Variants in LRRTM4 observed in about 807,000 individuals in gnomAD.
LRRTM4 encodes leucine rich repeat transmembrane neuronal 4.
Under a neutral mutation model 47.6 loss-of-function variants are expected in LRRTM4, and 25 were observed. The ratio of observed to expected loss-of-function variants is 0.53; its 90% CI spans 0.38 to 0.73. The LOEUF (loss-of-function observed/expected upper bound fraction) is 0.73. LRRTM4 is among the 30% of genes least tolerant of loss of function. The pLI is 0.00. For synonymous variants in LRRTM4, 311 were observed against 269.5 expected, an observed-to-expected ratio of 1.15 and a Z score of -1.51; for missense variants, 638 against 713.4, an observed-to-expected ratio of 0.89 and a Z score of 1.20.
intron 3 of LRRTM4, among the ~76,000 whole-genome samples, chr2:76,923,400 TTAAA>T (rs1304396659): frequency 6.6e-6 from 1 of 151,926 alleles, no homozygotes. Context: ...AAATTTACTA[TTAAA>T]TAAGTTATAT....
intron 3 of LRRTM4, among the ~76,000 whole-genome samples, chr2:77,465,127 A>T (rs1676936341): frequency 6.6e-6 from 1 of 152,094 alleles, no homozygotes. Flanking sequence ...TAGTTTTTTT[A>T]AATGGTCTTT....
chr2:77,409,709 C>A (rs1386380398), intron 3 of LRRTM4, among the ~76,000 whole-genome samples: 1 of 152,128 alleles, frequency 6.6e-6, no homozygotes, highest in Non-Finnish European at 1.5e-5. Flanking sequence ...CATTCACTTA[C>A]CAAGGTGTTT....
In LRRTM4 at chr2:77,006,073, G is replaced by A. The variant is rs187071565; in HGVS notation, c.1552-257157C>T. 4.8e-3 allele frequency among the ~76,000 whole-genome samples: 730 copies of A among 152,118 alleles called. 10 individuals carry two copies. The highest frequency in any genetic ancestry group is 0.016 in the African/African-American group (682 of 41,510). ...AAACTCTTAAATGAATACATAAATCGAAACCCCAAAATGATATATATTTAA... is the reference window on the plus strand; with the variant it reads ...AAACTCTTAAATGAATACATAAATCAAAACCCCAAAATGATATATATTTAA... On this transcript the variant is annotated intron_variant, in intron 3 of 3. Transcript: ENST00000409884.
At chr2:76,985,811 T>A (rs1676773761) in intron 3 of LRRTM4, among the ~76,000 whole-genome samples, 1 of 151,990 alleles carries the variant, frequency 6.6e-6, no homozygotes, top group Admixed American at 6.6e-5. Flanking sequence ...GCACGCATCA[T>A]TTTTAATCAT....
At chr2:77,396,740 C>A (rs1233108951) in intron 3 of LRRTM4, among the ~76,000 whole-genome samples, 2 of 151,844 alleles carry the variant, frequency 1.3e-5, no homozygotes, top group African/African-American at 4.8e-5. Flanking sequence ...AGGCAATATG[C>A]ACAATAGTTT....
In LRRTM4 at chr2:76,814,792, GATACACACACAC is replaced by G. The variant is rs200717302; in HGVS notation, c.1552-65888_1552-65877del. 1.6e-3 allele frequency among the ~76,000 whole-genome samples: 225 copies of G among 137,660 alleles called. 3 individuals carry two copies. The highest frequency in any genetic ancestry group is 3.7e-3 in the African/African-American group (131 of 35,758). 90.3% of individuals were successfully genotyped at this position (137,660 alleles called of 152,430 possible). On this transcript the variant is annotated intron_variant, in intron 3 of 3. Transcript: ENST00000409884. ...AATAGCAATACTAAAATGGCTTCAA[GATACACACACAC>G]ATACACACACACACACACACACACA... is the stretch of plus-strand genomic sequence containing the variant.
intron 3 of LRRTM4, among the ~76,000 whole-genome samples, chr2:77,015,987 C>A (rs1474052465): frequency 6.6e-6 from 1 of 152,014 alleles, no homozygotes; most frequent in Non-Finnish European, 1.5e-5. Flanking sequence ...GAGGCTGAGG[C>A]AAGAGAATCG....
chr2:77,231,672 C>A (rs1050065903), intron 3 of LRRTM4, among the ~76,000 whole-genome samples: 4 of 151,856 alleles, frequency 2.6e-5, no homozygotes, highest in Middle Eastern at 3.4e-3. Context: ...TATTGAGAAC[C>A]CACTGTGTTG....
intron 3 of LRRTM4, among the ~76,000 whole-genome samples, chr2:77,397,785 G>A (rs1673760169): frequency 1.3e-5 from 2 of 151,828 alleles, no homozygotes; most frequent in African/African-American, 4.8e-5. Context: ...GTGATACCTT[G>A]AGTATAATTT....
chr2:76,949,428 T>C (rs1675429440), intron 3 of LRRTM4, among the ~76,000 whole-genome samples: 1 of 151,890 alleles, frequency 6.6e-6, no homozygotes, highest in South Asian at 2.1e-4. Context: ...TAAACCCTGT[T>C]CTACTAGGGA....
At chr2:77,253,632 G>A (rs544595172) in intron 3 of LRRTM4, among the ~76,000 whole-genome samples, 40 of 152,082 alleles carry the variant, frequency 2.6e-4, no homozygotes, top group Non-Finnish European at 4.9e-4. Context: ...ATGTCAACGT[G>A]AGAAGTATCT....
intron 3 of LRRTM4, among the ~76,000 whole-genome samples, chr2:77,487,612 T>C (rs532172467): frequency 1.3e-5 from 2 of 152,226 alleles, no homozygotes; most frequent in South Asian, 4.1e-4. Flanking sequence ...GCAGACAGGT[T>C]CCTGGACAGA....
intron 3 of LRRTM4, among the ~76,000 whole-genome samples, chr2:76,878,912 T>C (rs1159370431): frequency 6.6e-6 from 1 of 152,112 alleles, no homozygotes; most frequent in South Asian, 2.1e-4. Flanking sequence ...ACTGCTGATA[T>C]GAAGAAATTT....
At chr2:77,073,228 A>G (rs1285707512) in intron 3 of LRRTM4, among the ~76,000 whole-genome samples, 1 of 152,126 alleles carries the variant, frequency 6.6e-6, no homozygotes, top group Non-Finnish European at 1.5e-5. Flanking sequence ...GAACTTGACA[A>G]TACTATAAGT....
At chr2:76,872,193 A>G (rs1009465633) in intron 3 of LRRTM4, among the ~76,000 whole-genome samples, 2 of 152,224 alleles carry the variant, frequency 1.3e-5, no homozygotes, top group African/African-American at 4.8e-5. Flanking sequence ...AATCAAGCAA[A>G]TATAATTTCC....
chr2:77,099,117 A>G (rs1410425352), intron 3 of LRRTM4, among the ~76,000 whole-genome samples: 1 of 152,000 alleles, frequency 6.6e-6, no homozygotes, highest in Non-Finnish European at 1.5e-5. Context: ...TTTTAGCTAT[A>G]GAAATTTTGC....
At chr2:77,191,362 C>G (rs1673664982) in intron 3 of LRRTM4, among the ~76,000 whole-genome samples, 1 of 151,912 alleles carries the variant, frequency 6.6e-6, no homozygotes, top group Non-Finnish European at 1.5e-5. Flanking sequence ...AAAATGTCAT[C>G]AAAGGCCTAA....
intron 3 of LRRTM4, among the ~76,000 whole-genome samples, chr2:76,860,264 C>T (rs1573222972): frequency 6.6e-6 from 1 of 152,100 alleles, no homozygotes; most frequent in African/African-American, 2.4e-5. Flanking sequence ...CTTTGGCTAG[C>T]TCTTGGAAGA....
At chr2:77,455,435 C>T (rs1367767229) in intron 3 of LRRTM4, among the ~76,000 whole-genome samples, 2 of 152,080 alleles carry the variant, frequency 1.3e-5, no homozygotes, top group African/African-American at 4.8e-5. Context: ...AGTTGATCCA[C>T]CTGAAATCCA....
Sources: allele counts gnomAD v4.1 joint callset (sites outside exome capture counted in the v4.1 genomes callset), GRCh38; gene constraint gnomAD v4.1.1; transcripts MANE v1.5; gene names NCBI Gene and HGNC (gene_info 2026-07-23, HGNC 2026-07-21).